The following MFAP3 variants were observed in gnomAD, a reference collection of about 807,000 sequenced individuals.
The protein encoded by MFAP3 is microfibril-associated glycoprotein 3.
In MFAP3, 8 loss-of-function variants were observed where a neutral mutation model predicts 20.5. That is an observed-to-expected ratio of 0.39 (90% CI 0.23 to 0.70). The LOEUF (loss-of-function observed/expected upper bound fraction) is 0.70, where lower values mean the gene tolerates loss of function less well. MFAP3 is among the 30% of genes least tolerant of loss of function. The pLI is 0.44. For synonymous variants in MFAP3, 140 were observed against 154.0 expected (o/e 0.91, Z 0.67); for missense variants, 398 against 444.6 (o/e 0.90, Z 0.94).
intron 1 of MFAP3, among the ~76,000 whole-genome samples, chr5:154,047,322 C>T (rs1314884122): frequency 1.3e-5 from 2 of 152,136 alleles, no homozygotes; most frequent in Non-Finnish European, 1.5e-5. Flanking sequence ...GACTGAACTT[C>T]GTGGAGGCCG....
chr5:154,049,716 T>G lies in MFAP3; in HGVS notation c.-7T>G. On this transcript the variant is annotated 5_prime_UTR_variant, in exon 2 of 3. Coordinates refer to ENST00000522782, the MANE Select transcript of MFAP3 (RefSeq NM_005927.5). ...CAAATCTAAACAAGATTTTGTCCCA[T>G]TTTCCCATGAAGCTACATTGTTGCT... 6.2e-7 allele frequency: 1 copy of G among 1,605,458 alleles called. No homozygotes were observed. Among genetic ancestry groups the G allele is most frequent in the Non-Finnish European group, 8.5e-7 (1 of 1,174,464 alleles).
At chr5:154,042,830 G>A (rs548980545) in intron 1 of MFAP3, among the ~76,000 whole-genome samples, 1 of 121,502 alleles carries the variant, frequency 8.2e-6, no homozygotes, top group South Asian at 2.8e-4. Context: ...TATAATTGGA[G>A]TTTAAAAAAA....
At position 154,053,475 on chromosome 5, in the gene MFAP3, A is replaced by G. The variant is rs777066737; in HGVS notation, c.851A>G (p.Tyr284Cys). The change falls in exon 3 of 3, where the codon TAT (tyrosine) becomes TGT (cysteine). Residue 284 changes from tyrosine (Y) to cysteine (C), a missense_variant. Transcript: ENST00000522782. ...RPALNAQGGI[Y>C]VINPEMGRSN... ...GCCTTGAATGCTCAAGGTGGCATCT[A>G]TGTCATTAACCCAGAGATGGGACGG... The G allele has an allele frequency of 2.5e-6, 4 of 1,613,780 alleles. No individual in the cohort carries two copies. Among genetic ancestry groups the G allele is most frequent in the East Asian group, 2.2e-5 (1 of 44,890 alleles).
intron 2 of MFAP3, among the ~76,000 whole-genome samples, chr5:154,051,008 C>T (rs1470949323): frequency 6.6e-6 from 1 of 152,136 alleles, no homozygotes; most frequent in Non-Finnish European, 1.5e-5. Context: ...CTGGAAAACA[C>T]AAAAGGAGAC....
intron 1 of MFAP3, among the ~76,000 whole-genome samples, chr5:154,041,680 C>G (rs1003015702): frequency 6.6e-6 from 1 of 152,128 alleles, no homozygotes; most frequent in African/African-American, 2.4e-5. Flanking sequence ...CTGAATTGCT[C>G]AGATTTGTGT....
chr5:154,055,528 A>G lies in MFAP3; in HGVS notation c.*1815A>G, dbSNP rs556521545. 3.3e-5 allele frequency among the ~76,000 whole-genome samples: 5 copies of G among 152,354 alleles called. No homozygotes were observed. In the South Asian group the frequency reaches 1.0e-3, roughly 32 times the overall value. ...TGGCTCATAGACTGGTATTTCTTTA[A>G]GGAAAATTGTTTTTATATATTTGAC... On this transcript the variant is annotated 3_prime_UTR_variant, in exon 3 of 3. Transcript: ENST00000522782.
intron 1 of MFAP3, among the ~76,000 whole-genome samples, chr5:154,041,301 GTTAT>G (rs1248680082): frequency 1.3e-5 from 2 of 152,350 alleles, no homozygotes; most frequent in East Asian, 1.9e-4. Context: ...AAGGTGAAAA[GTTAT>G]TTAGAGAGAA....
intron 1 of MFAP3, among the ~76,000 whole-genome samples, chr5:154,047,154 C>T (rs2113560342): frequency 6.6e-6 from 1 of 152,268 alleles, no homozygotes; most frequent in Admixed American, 6.5e-5. Context: ...TCTTCAGGTC[C>T]TGCACCTGAA....
intron 1 of MFAP3, among the ~76,000 whole-genome samples, chr5:154,049,252 T>C (rs972238253): frequency 6.6e-6 from 1 of 152,178 alleles, no homozygotes; most frequent in African/African-American, 2.4e-5. Flanking sequence ...GAAGAGTCCT[T>C]AGAGATTATC....
Position 154,053,275 on chromosome 5 carries a change from C to T in MFAP3, c.651C>T (p.Leu217=), listed in dbSNP as rs1231957779. 5.0e-6 allele frequency: 8 copies of T among 1,614,000 alleles called. No homozygotes were observed. The highest frequency in any genetic ancestry group is 2.2e-5 in the South Asian group (2 of 91,072). Residue 217 remains leucine, a synonymous_variant, in exon 3 of 3, where the codon CTC becomes CTT. Coordinates refer to ENST00000522782, the MANE Select transcript of MFAP3 (RefSeq NM_005927.5). Reference sequence around the variant, plus strand: ...TTACCTCAGCCAAAACTCTGGAGCTCGCCAAAGTCACACAATTTAAGACCA... The same window carrying T: ...TTACCTCAGCCAAAACTCTGGAGCTTGCCAAAGTCACACAATTTAAGACCA... ...PIITSAKTLE[L]AKVTQFKTME...
intron 1 of MFAP3, among the ~76,000 whole-genome samples, chr5:154,048,649 TA>T (rs1195802155): frequency 6.6e-6 from 1 of 152,206 alleles, no homozygotes; most frequent in African/African-American, 2.4e-5. Flanking sequence ...AAGGTGATCA[TA>T]AATACATAGA....
At chr5:154,051,574 G>A (rs1205673241) in intron 2 of MFAP3, among the ~76,000 whole-genome samples, 2 of 152,158 alleles carry the variant, frequency 1.3e-5, no homozygotes, top group Non-Finnish European at 2.9e-5. Flanking sequence ...GTTGATGAAT[G>A]GAGTCTTTGT....
chr5:154,053,206 G>A lies in MFAP3; in HGVS notation c.582G>A (p.Glu194=), dbSNP rs1219175099. The part of the protein sequence containing the change: ...INEFFRTEGA[E]KLQKAFEIAK... The stretch of plus-strand genomic sequence containing the variant: ...AGTTCTTTAGAACTGAAGGGGCTGA[G>A]AAACTTCAGAAGGCCTTTGAGATTG... The change falls in exon 3 of 3, where the codon GAG becomes GAA. Residue 194 remains glutamate (E), a synonymous_variant. Transcript: ENST00000522782. 2 of 1,613,840 alleles carry A rather than the reference G, an allele frequency of 1.2e-6. No homozygotes were observed. Among genetic ancestry groups the A allele is most frequent in the African/African-American group, 1.3e-5 (1 of 74,906 alleles).
intron 1 of MFAP3, among the ~76,000 whole-genome samples, chr5:154,047,135 C>T (rs149443601): frequency 3.3e-5 from 5 of 152,244 alleles, no homozygotes; most frequent in Admixed American, 3.3e-4. Flanking sequence ...AATTTTTATT[C>T]CTCTTTATTC....
Position 154,049,835 on chromosome 5 carries a change from G to A in MFAP3, c.113G>A (p.Ser38Asn). The part of the protein sequence containing the change: ...DQMVSLEANR[S>N]SYNASFPSSF... ...ATGGTTTCACTGGAAGCAAATCGTAGTTCTTACAATGCATCCTTTCCCTCA... is the reference window on the plus strand; with the variant it reads ...ATGGTTTCACTGGAAGCAAATCGTAATTCTTACAATGCATCCTTTCCCTCA... Residue 38 changes from serine to asparagine, a missense_variant, in exon 2 of 3, where the codon AGT (serine) becomes AAT (asparagine). By Grantham distance (46) the Ser-to-Asn change is conservative. Coordinates refer to ENST00000522782, the MANE Select transcript of MFAP3 (RefSeq NM_005927.5). 1 of 1,613,686 alleles carries A rather than the reference G, an allele frequency of 6.2e-7. No individual in the cohort carries two copies. Among genetic ancestry groups the A allele is most frequent in the South Asian group, 1.1e-5 (1 of 91,070 alleles).
chr5:154,045,942 G>A (rs1276199990), intron 1 of MFAP3, among the ~76,000 whole-genome samples: 4 of 152,184 alleles, frequency 2.6e-5, no homozygotes, highest in Admixed American at 6.5e-5. Context: ...GGAAATTGAG[G>A]AACTGTATTA....
At chr5:154,045,737 G>C (rs1361937063) in intron 1 of MFAP3, among the ~76,000 whole-genome samples, 1 of 152,158 alleles carries the variant, frequency 6.6e-6, no homozygotes, top group Non-Finnish European at 1.5e-5. Flanking sequence ...ATTTATAAAA[G>C]TTGCAAGGCT....
Position 154,053,806 on chromosome 5 carries a change from G to T in MFAP3, c.*93G>T. The T allele has an allele frequency of 8.3e-7, 1 of 1,200,588 alleles. No homozygotes were observed. The highest frequency in any genetic ancestry group is 2.3e-5 in the Admixed American group (1 of 43,454). 74.4% of individuals were successfully genotyped at this position (1,200,588 alleles called of 1,614,324 possible). ...AGAAGTAACATTTTTGCCAAAAGAT[G>T]ACTGGGGTTTTCCGTTTGTTAATAT... On this transcript the variant is annotated 3_prime_UTR_variant, in exon 3 of 3. Coordinates refer to ENST00000522782, the MANE Select transcript of MFAP3 (RefSeq NM_005927.5).
In MFAP3 at chr5:154,056,673, A is replaced by G. The variant is rs1366585085; in HGVS notation, c.*2960A>G. On this transcript the variant is annotated 3_prime_UTR_variant, in exon 3 of 3. Transcript: ENST00000522782. ...GTAGCTTTGTGAAATACATTCACCAAAAATCAAAATTTGAACATCTTTATG... is the reference window on the plus strand; with the variant it reads ...GTAGCTTTGTGAAATACATTCACCAGAAATCAAAATTTGAACATCTTTATG... Among the ~76,000 whole-genome samples, 2 of 152,220 alleles carry G rather than the reference A, an allele frequency of 1.3e-5. No individual in the cohort carries two copies. Among genetic ancestry groups the G allele is most frequent in the African/African-American group, 4.8e-5 (2 of 41,454 alleles).
Sources: allele counts gnomAD v4.1 joint callset (sites outside exome capture counted in the v4.1 genomes callset), GRCh38; gene constraint gnomAD v4.1.1; transcripts MANE v1.5; gene names NCBI Gene and HGNC (gene_info 2026-07-23, HGNC 2026-07-21).